Variants in THSD7A observed in about 807,000 individuals in gnomAD.
THSD7A encodes the protein thrombospondin type-1 domain-containing protein 7A.
Under a neutral mutation model 231.3 loss-of-function variants are expected in THSD7A, and 96 were observed. The observed-to-expected ratio is 0.41, with a 90% CI of 0.35 to 0.49. The LOEUF (loss-of-function observed/expected upper bound fraction) is 0.49. THSD7A is among the 20% of genes least tolerant of loss of function. The probability of loss-of-function intolerance (pLI) is 0.05; values close to 1 mark genes in which losing one functional copy is unlikely to be tolerated. For synonymous variants in THSD7A, 940 were observed against 743.3 expected (o/e 1.26, Z -4.30); for missense variants, 2,290 against 2,070.2 (o/e 1.11, Z -2.06).
Position 11,444,954 on chromosome 7 carries a change from T to C in THSD7A, c.3064+1107A>G, listed in dbSNP as rs980092475. Among the ~76,000 whole-genome samples, 1 of 148,812 alleles carries C rather than the reference T, an allele frequency of 6.7e-6. No homozygotes were observed. The highest frequency in any genetic ancestry group is 6.7e-5 in the Admixed American group (1 of 14,852). ...TATATATAGAATGAAACTATATATA[T>C]GTATATATATATTAAATGAAACTTC... On this transcript the variant is annotated intron_variant, in intron 13 of 27. Coordinates refer to ENST00000423059, the MANE Select transcript of THSD7A (RefSeq NM_015204.3). The surrounding 1 kb of genome is among the most constrained non-coding windows in gnomAD (Gnocchi z 4.2).
At chr7:11,463,617 A>G (rs565217672) in intron 9 of THSD7A, among the ~76,000 whole-genome samples, 1 of 152,256 alleles carries the variant, frequency 6.6e-6, no homozygotes, top group East Asian at 1.9e-4. Context: ...TAATGATGGC[A>G]TAACTATTTT....
intron 15 of THSD7A, among the ~76,000 whole-genome samples, chr7:11,426,058 T>TA (rs11342645): frequency 3.3e-3 from 448 of 135,852 alleles, no homozygotes; most frequent in Admixed American, 0.014. Context: ...TAGAGTATAA[T>TA]AAAAAAAAAA....
chr7:11,436,320 T>G (rs1249950892), intron 13 of THSD7A, among the ~76,000 whole-genome samples: 1 of 152,144 alleles, frequency 6.6e-6, no homozygotes, highest in Non-Finnish European at 1.5e-5. Context: ...TTCAATCAAT[T>G]AAAATCTAAT....
At chr7:11,635,376 A>G (rs1175855415) in intron 2 of THSD7A, among the ~76,000 whole-genome samples, 1 of 152,246 alleles carries the variant, frequency 6.6e-6, no homozygotes, top group East Asian at 1.9e-4. Flanking sequence ...GCAAAATTCA[A>G]AATACCCAGA....
chr7:11,770,909 T>A (rs562583380), intron 1 of THSD7A, among the ~76,000 whole-genome samples: 3 of 151,978 alleles, frequency 2.0e-5, no homozygotes, highest in African/African-American at 7.2e-5. Flanking sequence ...AATAGTTATA[T>A]GTGAAATGAA....
In THSD7A at chr7:11,566,930, G is replaced by A. The variant is rs965724969; in HGVS notation, c.1453+23530C>T. Among the ~76,000 whole-genome samples, 15 of 143,086 alleles carry A rather than the reference G, an allele frequency of 1.0e-4. No individual in the cohort carries two copies. The South Asian group carries it at 3.1e-3, about 29-fold the overall frequency. 93.9% of individuals were successfully genotyped at this position (143,086 alleles called of 152,430 possible). On this transcript the variant is annotated intron_variant, in intron 4 of 27. Transcript: ENST00000423059. ...AACTCTTTTGTGAGCTGATAAAACCGCATCTCAGGCAAAGTGGATCCAGCT... is the reference window on the plus strand; with the variant it reads ...AACTCTTTTGTGAGCTGATAAAACCACATCTCAGGCAAAGTGGATCCAGCT...
Position 11,429,100 on chromosome 7 carries a change from G to A in THSD7A, c.3090C>T (p.Ile1030=). 1.9e-6 allele frequency: 3 copies of A among 1,607,806 alleles called. No homozygotes were observed. The highest frequency in any genetic ancestry group is 1.7e-6 in the Non-Finnish European group (2 of 1,177,732). The change falls in exon 14 of 28, where the codon ATC becomes ATT. Residue 1030 remains isoleucine, a synonymous_variant. Coordinates refer to ENST00000423059, the MANE Select transcript of THSD7A (RefSeq NM_015204.3). ...SHGYIEEACI[I]PCPSDCKLSE... ...TGAGCTTGCAGTCTGAGGGGCAGGG[G>A]ATGATGCAGGCCTCCTCAATGTAAC...
At chr7:11,587,668 T>C (rs1242794829) in intron 4 of THSD7A, among the ~76,000 whole-genome samples, 1 of 152,146 alleles carries the variant, frequency 6.6e-6, no homozygotes, top group African/African-American at 2.4e-5. Context: ...ATGTATTAAC[T>C]CCGAGGATAA....
At chr7:11,705,696 C>T (rs994671138) in intron 1 of THSD7A, among the ~76,000 whole-genome samples, 5 of 150,978 alleles carry the variant, frequency 3.3e-5, no homozygotes, top group Admixed American at 6.6e-5. Flanking sequence ...GTTTAGTGGG[C>T]AAACGATTCT....
At chr7:11,819,399 C>A (rs923250490) in intron 1 of THSD7A, among the ~76,000 whole-genome samples, 1 of 152,178 alleles carries the variant, frequency 6.6e-6, no homozygotes. Context: ...ACTGCCCAAA[C>A]TTGGAAGCAA....
At chr7:11,550,655 G>A (rs1257420920) in intron 4 of THSD7A, among the ~76,000 whole-genome samples, 1 of 152,224 alleles carries the variant, frequency 6.6e-6, no homozygotes, top group East Asian at 1.9e-4. Context: ...GTGGAACTGT[G>A]AGTCTATTAA....
intron 1 of THSD7A, among the ~76,000 whole-genome samples, chr7:11,670,681 C>T (rs557053478): frequency 2.0e-5 from 3 of 152,126 alleles, no homozygotes; most frequent in Non-Finnish European, 4.4e-5. Flanking sequence ...CCATTAGGAT[C>T]ACAGCACTGT....
Position 11,532,846 on chromosome 7 carries a change from A to C in THSD7A, c.1822+8573T>G, listed in dbSNP as rs190378060. 2.0e-5 allele frequency among the ~76,000 whole-genome samples: 3 copies of C among 152,334 alleles called. No individual in the cohort carries two copies. The East Asian group carries it at 5.8e-4, about 29-fold the overall frequency. On this transcript the variant is annotated intron_variant, in intron 6 of 27. Coordinates refer to ENST00000423059, the MANE Select transcript of THSD7A (RefSeq NM_015204.3). ...ATGCCACAAGAGCTGTTATAAAATG[A>C]AAAAATAAAACTATTTCTCATCCTT...
Position 11,375,413 on chromosome 7 carries a change from C to G in THSD7A, c.*381G>C. 16 of 159,612 alleles carry G rather than the reference C, an allele frequency of 1.0e-4. No individual in the cohort carries two copies. Among genetic ancestry groups the G allele is most frequent in the South Asian group, 8.2e-4 (4 of 4,886 alleles). The allele number at this position is 159,612 out of a possible 1,614,324, so 9.9% of individuals were successfully genotyped here. On this transcript the variant is annotated 3_prime_UTR_variant, in exon 28 of 28. Coordinates refer to ENST00000423059, the MANE Select transcript of THSD7A (RefSeq NM_015204.3). ...TATTGTGGAGATCTTGGTAGAAACT[C>G]TTCATGCTAGGAAGTTTTATGGATT...
chr7:11,391,743 G>A (rs765079582), intron 23 of THSD7A, among the ~76,000 whole-genome samples: 6 of 152,146 alleles, frequency 3.9e-5, no homozygotes, highest in African/African-American at 1.2e-4. Flanking sequence ...CCCTGGTGGC[G>A]GAGGCACCAG....
chr7:11,558,370 TG>T (rs1028938504), intron 4 of THSD7A, among the ~76,000 whole-genome samples: 57 of 152,124 alleles, frequency 3.7e-4, no homozygotes, highest in Non-Finnish European at 4.4e-5. Flanking sequence ...ATTATACAAC[TG>T]GGATAATAAG....
At chr7:11,741,373 G>A (rs1311900758) in intron 1 of THSD7A, among the ~76,000 whole-genome samples, 1 of 151,914 alleles carries the variant, frequency 6.6e-6, no homozygotes, top group Non-Finnish European at 1.5e-5. Flanking sequence ...AATTCCAAGT[G>A]CATATTTATT....
intron 1 of THSD7A, among the ~76,000 whole-genome samples, chr7:11,730,541 T>A (rs909706330): frequency 6.6e-6 from 1 of 151,748 alleles, no homozygotes; most frequent in Admixed American, 6.6e-5. Flanking sequence ...ACTATCATTA[T>A]GTTTTTATTT....
At chr7:11,477,087 C>T (rs1217131773) in intron 7 of THSD7A, among the ~76,000 whole-genome samples, 1 of 152,078 alleles carries the variant, frequency 6.6e-6, no homozygotes, top group Non-Finnish European at 1.5e-5. Context: ...AAGTTATGAC[C>T]ATTGAATCCT....
Sources: gnomAD v4.1 joint callset for allele counts (sites outside exome capture counted in the v4.1 genomes callset) on GRCh38, gnomAD v4.1.1 for gene constraint, Gnocchi (gnomAD v3.1) non-coding constraint, MANE v1.5 for transcripts, NCBI Gene and HGNC (gene_info 2026-07-23, HGNC 2026-07-21) for gene names.